The following ZNF804A variants were observed in gnomAD, a reference collection of about 807,000 sequenced individuals.
ZNF804A encodes zinc finger protein 804A.
ZNF804A carries 2 observed loss-of-function variants against 16.5 expected under a neutral mutation model. The observed-to-expected ratio is 0.12, with a 90% CI of 0.05 to 0.38. The LOEUF is 0.38. Ranked by LOEUF, ZNF804A falls within the 10% of genes least tolerant of loss-of-function variation. The pLI is 0.99. For missense variants in ZNF804A, 1,473 were observed against 1,390.7 expected, an observed-to-expected ratio of 1.06 and a Z score of -0.94; for synonymous variants, 534 against 489.6, an observed-to-expected ratio of 1.09 and a Z score of -1.20.
intron 1 of ZNF804A, among the ~76,000 whole-genome samples, chr2:184,755,510 C>T (rs146775511): frequency 1.9e-3 from 282 of 151,872 alleles, no homozygotes; most frequent in African/African-American, 6.1e-3. Flanking sequence ...GGGATGAATC[C>T]TTCTGCTTCT....
At chr2:184,822,936 T>A (rs1213929516) in intron 1 of ZNF804A, among the ~76,000 whole-genome samples, 1 of 152,176 alleles carries the variant, frequency 6.6e-6, no homozygotes, top group Non-Finnish European at 1.5e-5. Context: ...TATGTGTGTA[T>A]GTTTTAGTAT....
chr2:184,644,228 A>G (rs1327506080), intron 1 of ZNF804A, among the ~76,000 whole-genome samples: 1 of 98,832 alleles, frequency 1.0e-5, no homozygotes, highest in Non-Finnish European at 2.2e-5. Context: ...CAATACAGCT[A>G]TATATCATAT....
At chr2:184,763,489 T>C (rs1462870744) in intron 1 of ZNF804A, among the ~76,000 whole-genome samples, 3 of 152,072 alleles carry the variant, frequency 2.0e-5, no homozygotes, top group Middle Eastern at 3.4e-3. Context: ...TCATATTCTT[T>C]CCAAACCATC....
chr2:184,922,191 T>C (rs376992436), intron 2 of ZNF804A, among the ~76,000 whole-genome samples: 1 of 152,048 alleles, frequency 6.6e-6, no homozygotes, highest in African/African-American at 2.4e-5. Flanking sequence ...TTCTCCAGAG[T>C]GGTTGTACAA....
At chr2:184,692,745 T>G (rs1692752908) in intron 1 of ZNF804A, among the ~76,000 whole-genome samples, 1 of 152,184 alleles carries the variant, frequency 6.6e-6, no homozygotes, top group Non-Finnish European at 1.5e-5. Flanking sequence ...TTTTAACCAA[T>G]TAAGGTCACA....
rs552689970 is a variant in ZNF804A, at chr2:184,752,483, G to A, written c.112-113886G>A. On this transcript the variant is annotated intron_variant, in intron 1 of 3. Transcript: ENST00000302277. Reference sequence around the variant, plus strand: ...TAGACACTGGAGACTCCAAAATGTGGGGGATAGGAGGAGGGTGAGGGTTGA... The same window carrying A: ...TAGACACTGGAGACTCCAAAATGTGAGGGATAGGAGGAGGGTGAGGGTTGA... Among the ~76,000 whole-genome samples, 512 of 151,564 alleles carry A rather than the reference G, an allele frequency of 3.4e-3. 6 individuals carry two copies. The highest frequency in any genetic ancestry group is 0.012 in the African/African-American group (481 of 41,450).
In ZNF804A at chr2:184,727,155, C is replaced by T. The variant is rs117669737; in HGVS notation, c.111+128085C>T. Among the ~76,000 whole-genome samples, 19 of 151,574 alleles carry T rather than the reference C, an allele frequency of 1.3e-4. No homozygotes were observed. The East Asian group carries it at 2.9e-3, about 23-fold the overall frequency. On this transcript the variant is annotated intron_variant, in intron 1 of 3. Coordinates refer to ENST00000302277, the MANE Select transcript of ZNF804A (RefSeq NM_194250.2). ...TTCATTTAGGGTCTTATTAAAAATG[C>T]CCTGGCATTTCTGTTTGTCTGAATA...
At chr2:184,764,148 G>T (rs1311284132) in intron 1 of ZNF804A, among the ~76,000 whole-genome samples, 1 of 151,608 alleles carries the variant, frequency 6.6e-6, no homozygotes, top group East Asian at 1.9e-4. Flanking sequence ...ACAGACTTTG[G>T]CTAAAATAAG....
chr2:184,783,143 T>TTTTTG (rs1694397560), intron 1 of ZNF804A, among the ~76,000 whole-genome samples: 2 of 124,686 alleles, frequency 1.6e-5, no homozygotes, highest in Non-Finnish European at 3.2e-5. Flanking sequence ...AGTGAGTTTT[T>TTTTTG]TTTTTTTTTT....
intron 1 of ZNF804A, among the ~76,000 whole-genome samples, chr2:184,781,318 T>C (rs564165349): frequency 6.6e-6 from 1 of 151,884 alleles, no homozygotes; most frequent in African/African-American, 2.4e-5. Context: ...TGTCATATGA[T>C]GGCTTATTTG....
At chr2:184,667,060 A>G (rs940922415) in intron 1 of ZNF804A, among the ~76,000 whole-genome samples, 4 of 151,978 alleles carry the variant, frequency 2.6e-5, no homozygotes, top group Middle Eastern at 3.2e-3. Context: ...GAGAATTTAA[A>G]TTTATTTTGT....
At chr2:184,639,480 T>C (rs942000685) in intron 1 of ZNF804A, among the ~76,000 whole-genome samples, 1 of 152,140 alleles carries the variant, frequency 6.6e-6, no homozygotes, top group Non-Finnish European at 1.5e-5. Flanking sequence ...TAGTTTTGAT[T>C]TTTCAGTTTC....
intron 2 of ZNF804A, among the ~76,000 whole-genome samples, chr2:184,899,202 A>AT (rs1437086552): frequency 1.3e-5 from 2 of 151,948 alleles, no homozygotes; most frequent in African/African-American, 4.8e-5. Context: ...TCAAAAGCCT[A>AT]TTTTATATGT....
chr2:184,832,204 A>G (rs890348759), intron 1 of ZNF804A, among the ~76,000 whole-genome samples: 1 of 151,980 alleles, frequency 6.6e-6, no homozygotes, highest in African/African-American at 2.4e-5. Context: ...ACAACTTGGT[A>G]GTTTGCCAGT....
At chr2:184,857,151 A>C (rs1407090974) in intron 1 of ZNF804A, among the ~76,000 whole-genome samples, 1 of 151,606 alleles carries the variant, frequency 6.6e-6, no homozygotes, top group Non-Finnish European at 1.5e-5. Flanking sequence ...GCATTCCTTA[A>C]GTTTTGGTTT....
intron 1 of ZNF804A, among the ~76,000 whole-genome samples, chr2:184,718,730 G>T (rs1046798961): frequency 1.3e-5 from 2 of 152,118 alleles, no homozygotes; most frequent in African/African-American, 4.8e-5. Flanking sequence ...GGGTTTTCAT[G>T]GTCTTGGGCA....
At chr2:184,859,854 G>A (rs1330699400) in intron 1 of ZNF804A, among the ~76,000 whole-genome samples, 1 of 152,220 alleles carries the variant, frequency 6.6e-6, no homozygotes, top group Non-Finnish European at 1.5e-5. Context: ...AGGTCAGGAG[G>A]TAGGTGGGCC....
chr2:184,854,948 A>G (rs759617206), intron 1 of ZNF804A, among the ~76,000 whole-genome samples: 1 of 152,068 alleles, frequency 6.6e-6, no homozygotes, highest in Non-Finnish European at 1.5e-5. Context: ...CACGACATTA[A>G]TTTAAAAAAA....
intron 3 of ZNF804A, among the ~76,000 whole-genome samples, chr2:184,935,530 A>G (rs1685770011): frequency 1.3e-5 from 2 of 152,198 alleles, no homozygotes; most frequent in South Asian, 4.1e-4. Flanking sequence ...TTAAGAGCAT[A>G]TCCTCAACAT....
Sources: allele counts gnomAD v4.1 joint callset (sites outside exome capture counted in the v4.1 genomes callset), GRCh38; gene constraint gnomAD v4.1.1; transcripts MANE v1.5; gene names NCBI Gene and HGNC (gene_info 2026-07-23, HGNC 2026-07-21).